The following CSMD1 variants were observed in gnomAD, a reference collection of about 807,000 sequenced individuals.
CSMD1 encodes the protein CUB and sushi domain-containing protein 1.
In CSMD1, 213 loss-of-function variants were observed where a neutral mutation model predicts 417.5. The observed-to-expected ratio is 0.51, with a 90% CI of 0.46 to 0.57. The LOEUF is 0.57. CSMD1 is among the 20% of genes least tolerant of loss of function. The pLI is 0.00. For missense variants in CSMD1, 6,923 were observed against 4,529.7 expected, an observed-to-expected ratio of 1.53 and a Z score of -15.17; for synonymous variants, 2,862 against 1,736.8, an observed-to-expected ratio of 1.65 and a Z score of -16.11.
chr8:4,520,884 AT>A (rs1381733529), intron 2 of CSMD1, among the ~76,000 whole-genome samples: 1 of 152,154 alleles, frequency 6.6e-6, no homozygotes, highest in Non-Finnish European at 1.5e-5. Context: ...CTTATTGCTG[AT>A]GACATGTTGA....
intron 3 of CSMD1, among the ~76,000 whole-genome samples, chr8:4,142,704 G>A (rs1435336716): frequency 1.3e-5 from 2 of 151,054 alleles, no homozygotes; most frequent in African/African-American, 4.9e-5. Context: ...TGAGGTTTAG[G>A]GCATTCCTAG....
chr8:3,272,960 A>G (rs1225888956), intron 26 of CSMD1, among the ~76,000 whole-genome samples: 1 of 150,232 alleles, frequency 6.7e-6, no homozygotes. Context: ...CAGAACTTCC[A>G]ACACTATGTT....
chr8:4,320,018 G>C (rs1201388530), intron 3 of CSMD1, among the ~76,000 whole-genome samples: 2 of 152,036 alleles, frequency 1.3e-5, no homozygotes, highest in Non-Finnish European at 2.9e-5. Context: ...AGTACTCAAA[G>C]TACCACCTCA....
At chr8:3,105,524 T>A (rs905331539) in intron 46 of CSMD1, among the ~76,000 whole-genome samples, 9 of 152,252 alleles carry the variant, frequency 5.9e-5, no homozygotes, top group Non-Finnish European at 1.0e-4. Context: ...TTGAAAGTGG[T>A]GTCTATTAAT....
intron 7 of CSMD1, among the ~76,000 whole-genome samples, chr8:3,697,925 T>C (rs1168952218): frequency 6.6e-6 from 1 of 152,202 alleles, no homozygotes; most frequent in African/African-American, 2.4e-5. Flanking sequence ...GAATCAATTA[T>C]ATTCTTTAAT....
intron 3 of CSMD1, among the ~76,000 whole-genome samples, chr8:4,218,513 G>T (rs544377023): frequency 6.6e-6 from 1 of 152,052 alleles, no homozygotes; most frequent in South Asian, 2.1e-4. Context: ...AATAATATTT[G>T]CATTTATGCC....
At chr8:4,464,105 GAGAT>G (rs1800004264) in intron 2 of CSMD1, among the ~76,000 whole-genome samples, 1 of 152,030 alleles carries the variant, frequency 6.6e-6, no homozygotes, top group African/African-American at 2.4e-5. Context: ...CTAAAAGAAT[GAGAT>G]AGAGCTCAGA....
intron 2 of CSMD1, among the ~76,000 whole-genome samples, chr8:4,426,650 CAT>C (rs1348816663): frequency 6.9e-6 from 1 of 144,866 alleles, no homozygotes; most frequent in East Asian, 2.0e-4. Flanking sequence ...TTTTGTTATT[CAT>C]ATTTTATAGT....
At chr8:3,834,273 G>T (rs536136531) in intron 5 of CSMD1, among the ~76,000 whole-genome samples, 2 of 151,990 alleles carry the variant, frequency 1.3e-5, no homozygotes, top group South Asian at 4.1e-4. Context: ...TGTATCTAGG[G>T]CTCTTCCAAC....
intron 2 of CSMD1, among the ~76,000 whole-genome samples, chr8:4,491,658 T>C (rs1430943589): frequency 1.3e-5 from 2 of 152,132 alleles, no homozygotes; most frequent in Non-Finnish European, 2.9e-5. Flanking sequence ...CTCATGTCCT[T>C]AGAACATGAG....
intron 3 of CSMD1, among the ~76,000 whole-genome samples, chr8:4,272,158 C>G (rs947009255): frequency 6.6e-6 from 1 of 152,132 alleles, no homozygotes; most frequent in African/African-American, 2.4e-5. Flanking sequence ...AGATTAATCT[C>G]AGCATGCTGG....
chr8:4,510,457 C>T lies in CSMD1; in HGVS notation c.303-90392G>A, dbSNP rs186070664. Reference sequence around the variant, plus strand: ...TTGTTCCAAACATACGCTTTATTAACTAAGGGACAAGGGAAGAGACTTCCT... The same window carrying T: ...TTGTTCCAAACATACGCTTTATTAATTAAGGGACAAGGGAAGAGACTTCCT... On this transcript the variant is annotated intron_variant, in intron 2 of 69. Transcript: ENST00000635120. 4.1e-3 allele frequency among the ~76,000 whole-genome samples: 523 copies of T among 128,324 alleles called. 2 individuals carry two copies. Among genetic ancestry groups the T allele is most frequent in the Middle Eastern group, 0.011 (2 of 180 alleles). The allele number at this position is 128,324 out of a possible 152,430, so 84.2% of individuals were successfully genotyped here.
intron 3 of CSMD1, among the ~76,000 whole-genome samples, chr8:4,185,256 C>T (rs1584980253): frequency 6.6e-6 from 1 of 151,964 alleles, no homozygotes; most frequent in African/African-American, 2.4e-5. Flanking sequence ...TGGCCCTACC[C>T]CTTGCAATTC....
intron 2 of CSMD1, among the ~76,000 whole-genome samples, chr8:4,532,220 TCA>T (rs1274671381): frequency 2.3e-5 from 3 of 129,928 alleles, no homozygotes; most frequent in East Asian, 2.4e-4. Context: ...GCACCCCCAT[TCA>T]CAGTCACTCC....
intron 5 of CSMD1, among the ~76,000 whole-genome samples, chr8:3,821,924 C>T (rs7007032): frequency 0.74 from 113,087 of 152,170 alleles, 42,328 homozygotes; most frequent in African/African-American, 0.84. Context: ...GCGATGAAGA[C>T]AACATGGAGA....
chr8:4,160,127 G>C (rs114733550), intron 3 of CSMD1, among the ~76,000 whole-genome samples: 3 of 151,264 alleles, frequency 2.0e-5, no homozygotes, highest in Admixed American at 6.6e-5. Flanking sequence ...AAAAAATAAC[G>C]TCTTAATTCC....
At chr8:4,312,394 C>CATATATATGCGTATATATATATATATAT in intron 3 of CSMD1, among the ~76,000 whole-genome samples, 1 of 39,512 alleles carries the variant, frequency 2.5e-5, no homozygotes, top group Non-Finnish European at 9.5e-5. Context: ...TATATATATA[C>CATATATATGCGTATATATATATATATAT]ATACATATAT....
At chr8:3,584,019 A>G (rs11994222) in intron 9 of CSMD1, among the ~76,000 whole-genome samples, 4,905 of 152,192 alleles carry the variant, frequency 0.032, 258 homozygotes, top group African/African-American at 0.11. Context: ...CCCATCCACT[A>G]TAAAAACACC....
intron 5 of CSMD1, among the ~76,000 whole-genome samples, chr8:3,899,299 G>A (rs1807572033): frequency 1.3e-5 from 2 of 152,222 alleles, no homozygotes; most frequent in African/African-American, 4.8e-5. Flanking sequence ...GCACTTTCAA[G>A]TACGCTTTGC....
Sources: gnomAD v4.1 joint callset for allele counts (sites outside exome capture counted in the v4.1 genomes callset) on GRCh38, gnomAD v4.1.1 for gene constraint, MANE v1.5 for transcripts, NCBI Gene and HGNC (gene_info 2026-07-23, HGNC 2026-07-21) for gene names.